RPTOR: variants seen among roughly 807,000 people sequenced by gnomAD.
RPTOR encodes the protein regulatory associated protein of MTOR complex 1.
A neutral mutation model predicts 169.9 loss-of-function variants in RPTOR; 21 were observed. That is an observed-to-expected ratio of 0.12 (90% CI 0.09 to 0.18). RPTOR has a LOEUF of 0.18. RPTOR is among the 10% of genes least tolerant of loss of function. RPTOR has a pLI of 1.00. For synonymous variants in RPTOR, 732 were observed against 753.2 expected, an observed-to-expected ratio of 0.97 and a Z score of 0.46; for missense variants, 1,133 against 1,855.9, an observed-to-expected ratio of 0.61 and a Z score of 7.16.
chr17:80,928,642 G>A (rs964228414), intron 24 of RPTOR, among the ~76,000 whole-genome samples: 2 of 152,210 alleles, frequency 1.3e-5, no homozygotes, highest in Admixed American at 1.3e-4. Flanking sequence ...GCCGTGTTCT[G>A]TCTGCGGCTC....
intron 3 of RPTOR, among the ~76,000 whole-genome samples, chr17:80,672,211 G>A (rs1435523664): frequency 6.6e-6 from 1 of 152,130 alleles, no homozygotes; most frequent in Non-Finnish European, 1.5e-5. Flanking sequence ...TTGGCTGAGA[G>A]TTACAGGGGA....
chr17:80,638,250 C>T (rs1007974894), intron 2 of RPTOR, among the ~76,000 whole-genome samples: 6 of 152,268 alleles, frequency 3.9e-5, no homozygotes, highest in African/African-American at 1.2e-4. Flanking sequence ...GCTGGGTTTT[C>T]GCACACCAGC....
intron 3 of RPTOR, among the ~76,000 whole-genome samples, chr17:80,693,541 C>A (rs891323303): frequency 1.3e-5 from 2 of 152,190 alleles, no homozygotes; most frequent in African/African-American, 4.8e-5. Flanking sequence ...AGGAAAGAGT[C>A]GATGATTTTA....
intron 1 of RPTOR, among the ~76,000 whole-genome samples, chr17:80,564,899 C>T (rs2084559155): frequency 6.6e-6 from 1 of 152,172 alleles, no homozygotes; most frequent in African/African-American, 2.4e-5. Flanking sequence ...CCTCCATGTT[C>T]CCACAAAGGA....
intron 1 of RPTOR, among the ~76,000 whole-genome samples, chr17:80,560,332 T>A (rs2084464983): frequency 6.6e-6 from 1 of 152,196 alleles, no homozygotes; most frequent in Non-Finnish European, 1.5e-5. Context: ...CACAAGTGAC[T>A]GATGTATAGA....
In RPTOR at chr17:80,752,714, G is replaced by A. The variant is rs114033485; in HGVS notation, c.655-1296G>A. Among the ~76,000 whole-genome samples, 795 of 152,310 alleles carry A rather than the reference G, an allele frequency of 5.2e-3. 8 individuals are homozygous for A. The highest frequency in any genetic ancestry group is 0.017 in the African/African-American group (724 of 41,564). On this transcript the variant is annotated intron_variant, in intron 5 of 33. Coordinates refer to ENST00000306801, the MANE Select transcript of RPTOR (RefSeq NM_020761.3). ...GTATAAGGATCCTGTTTTGTTGAAT[G>A]CTGTGGTTTTTTGGTAAAACAGGAA... is the stretch of plus-strand genomic sequence containing the variant.
chr17:80,753,363 G>A (rs1292532043), intron 5 of RPTOR, among the ~76,000 whole-genome samples: 6 of 132,316 alleles, frequency 4.5e-5, no homozygotes, highest in Non-Finnish European at 8.6e-5. Context: ...GGCCGGGCGC[G>A]GTGGCTCACG....
At chr17:80,556,783 T>TAAA (rs55916221) in intron 1 of RPTOR, among the ~76,000 whole-genome samples, 3 of 143,706 alleles carry the variant, frequency 2.1e-5, no homozygotes, top group Non-Finnish European at 4.5e-5. Context: ...CTACCCAGAT[T>TAAA]AAAAAAAAAA....
intron 17 of RPTOR, among the ~76,000 whole-genome samples, chr17:80,889,724 C>T (rs1414136131): frequency 6.6e-6 from 1 of 152,208 alleles, no homozygotes; most frequent in Non-Finnish European, 1.5e-5. Context: ...AAGGGTCCAA[C>T]GCAAAGGAGA....
In RPTOR at chr17:80,885,161, C is replaced by A; in HGVS notation, c.1983+13C>A. ...CATGGTCCGGAAGGTGCGTGAACCC[C>A]CAGCCCGGCAGCAGCAGGGCACCCA... On this transcript the variant is annotated intron_variant, in intron 17 of 33. Transcript: ENST00000306801. 1 of 1,550,280 alleles carries A rather than the reference C, an allele frequency of 6.5e-7. No individual in the cohort carries two copies. Among genetic ancestry groups the A allele is most frequent in the Non-Finnish European group, 8.7e-7 (1 of 1,146,588 alleles).
At chr17:80,956,797 T>C (rs554587737) in intron 28 of RPTOR, among the ~76,000 whole-genome samples, 2 of 152,176 alleles carry the variant, frequency 1.3e-5, no homozygotes, top group South Asian at 2.1e-4. Context: ...ATCTTAGATG[T>C]TCCTGGAAGG....
intron 1 of RPTOR, among the ~76,000 whole-genome samples, chr17:80,577,148 C>G (rs1160567673): frequency 1.3e-5 from 2 of 151,890 alleles, no homozygotes; most frequent in Non-Finnish European, 1.5e-5. Flanking sequence ...TCTCCAGCCT[C>G]ATCCTCCCAA....
intron 9 of RPTOR, among the ~76,000 whole-genome samples, chr17:80,831,063 G>C (rs140208965): frequency 0.011 from 1,730 of 152,252 alleles, 37 homozygotes; most frequent in African/African-American, 0.04. Flanking sequence ...TCATTTTAAA[G>C]CAGCTCTTTG....
chr17:80,571,875 C>T (rs1034110953), intron 1 of RPTOR, among the ~76,000 whole-genome samples: 5 of 152,122 alleles, frequency 3.3e-5, no homozygotes, highest in African/African-American at 4.8e-5. Context: ...GTTGTACTTG[C>T]GTTTTCGTGT....
intron 4 of RPTOR, among the ~76,000 whole-genome samples, chr17:80,719,093 CGGA>C (rs2066263141): frequency 6.6e-6 from 1 of 152,044 alleles, no homozygotes; most frequent in Non-Finnish European, 1.5e-5. Flanking sequence ...GTGAGTAGGC[CGGA>C]GGTCCATGAG....
intron 3 of RPTOR, among the ~76,000 whole-genome samples, chr17:80,696,547 A>G (rs2066038172): frequency 6.6e-6 from 1 of 152,222 alleles, no homozygotes. Flanking sequence ...GCCCAGAAGC[A>G]AGGGGCTGAC....
intron 13 of RPTOR, among the ~76,000 whole-genome samples, chr17:80,874,967 G>A (rs921409222): frequency 2.0e-5 from 3 of 152,234 alleles, no homozygotes; most frequent in Non-Finnish European, 4.4e-5. Context: ...ACGTCAGAAC[G>A]CACGTGGTAG....
chr17:80,714,622 A>G (rs1156346053), intron 4 of RPTOR, among the ~76,000 whole-genome samples: 2 of 152,256 alleles, frequency 1.3e-5, no homozygotes, highest in Non-Finnish European at 2.9e-5. Flanking sequence ...TAATGAAACT[A>G]TGACACCCAA....
At chr17:80,676,766 C>A (rs1185907517) in intron 3 of RPTOR, among the ~76,000 whole-genome samples, 1 of 152,214 alleles carries the variant, frequency 6.6e-6, no homozygotes, top group Non-Finnish European at 1.5e-5. Context: ...CCGGGCAGGC[C>A]TCAGTGGCCT....
Sources: gnomAD v4.1 joint callset for allele counts (sites outside exome capture counted in the v4.1 genomes callset) on GRCh38, gnomAD v4.1.1 for gene constraint, MANE v1.5 for transcripts, NCBI Gene and HGNC (gene_info 2026-07-23, HGNC 2026-07-21) for gene names.